The following MAGI2 variants were observed in gnomAD, a reference collection of about 807,000 sequenced individuals.
The protein encoded by MAGI2 is membrane-associated guanylate kinase, WW and PDZ domain-containing protein 2.
In MAGI2, 35 loss-of-function variants were observed where a neutral mutation model predicts 133.3. The observed-to-expected ratio is 0.26, with a 90% confidence interval of 0.20 to 0.35. The LOEUF is 0.35. Among genes scored for constraint, MAGI2 ranks in the 10% least tolerant of loss-of-function variants. The probability of loss-of-function intolerance (pLI) is 1.00; values close to 1 mark genes in which losing one functional copy is unlikely to be tolerated. For synonymous variants in MAGI2, 729 were observed against 710.6 expected (o/e 1.03, Z -0.41); for missense variants, 1,636 against 1,863.4 (o/e 0.88, Z 2.25).
intron 1 of MAGI2, among the ~76,000 whole-genome samples, chr7:79,100,519 T>C (rs974270975): frequency 4.0e-5 from 6 of 151,750 alleles, no homozygotes; most frequent in African/African-American, 1.2e-4. Flanking sequence ...GCCATTTCTA[T>C]TTTGTAACGT....
chr7:78,178,581 AGTGT>A (rs3840593), intron 13 of MAGI2, among the ~76,000 whole-genome samples: 56,496 of 149,458 alleles, frequency 0.38, 10,965 homozygotes, highest in Admixed American at 0.45. Context: ...CCAGTTTAGG[AGTGT>A]GTGTGTGTGT....
intron 2 of MAGI2, among the ~76,000 whole-genome samples, chr7:78,866,822 C>G (rs1382523619): frequency 6.6e-6 from 1 of 152,086 alleles, no homozygotes; most frequent in African/African-American, 2.4e-5. Context: ...CCAGAAACTC[C>G]TTTTTCACTT....
intron 21 of MAGI2, among the ~76,000 whole-genome samples, chr7:78,049,465 G>C (rs1431379508): frequency 1.3e-5 from 2 of 152,194 alleles, no homozygotes; most frequent in South Asian, 4.1e-4. Flanking sequence ...GTACTGCTCA[G>C]CCATTCCGCT....
intron 7 of MAGI2, among the ~76,000 whole-genome samples, chr7:78,357,739 A>G (rs1038758463): frequency 1.3e-5 from 2 of 152,190 alleles, no homozygotes; most frequent in Admixed American, 1.3e-4. Flanking sequence ...TTAGCACAAC[A>G]AAGAGCCTTT....
intron 1 of MAGI2, among the ~76,000 whole-genome samples, chr7:79,046,481 G>T (rs999160576): frequency 6.6e-6 from 1 of 152,190 alleles, no homozygotes; most frequent in Non-Finnish European, 1.5e-5. Flanking sequence ...CCAGTTTGGC[G>T]CTTTGTTGTG....
intron 6 of MAGI2, among the ~76,000 whole-genome samples, chr7:78,458,297 A>AG: frequency 6.8e-6 from 1 of 147,390 alleles, no homozygotes; most frequent in Admixed American, 6.8e-5. Context: ...TCGGTCTCAA[A>AG]AAAAAAAAAA....
intron 9 of MAGI2, among the ~76,000 whole-genome samples, chr7:78,257,032 A>G (rs1018019499): frequency 3.9e-5 from 6 of 152,192 alleles, no homozygotes; most frequent in African/African-American, 1.2e-4. Context: ...GAATAAGTCA[A>G]TTGCCTTTTT....
At chr7:78,237,896 C>A (rs1584510714) in intron 10 of MAGI2, among the ~76,000 whole-genome samples, 4 of 152,230 alleles carry the variant, frequency 2.6e-5, no homozygotes, top group Admixed American at 2.6e-4. Flanking sequence ...GCCAATTAGT[C>A]AATCATTTTT....
At chr7:78,167,346 T>G (rs1358460680) in intron 15 of MAGI2, among the ~76,000 whole-genome samples, 1 of 152,244 alleles carries the variant, frequency 6.6e-6, no homozygotes, top group Non-Finnish European at 1.5e-5. Context: ...GATTCCTTTA[T>G]GAAGCTGAGA....
Position 78,979,685 on chromosome 7 carries a change from CTTTGGGCTCATCTGACCAGT to C in MAGI2, c.418+27385_418+27404del, listed in dbSNP as rs566089739. ...GTGGTCTTGCATGGTGTGCAGTGTC[CTTTGGGCTCATCTGACCAGT>C]GTTGGGTCTTGTGTGTTTGGCCATC... On this transcript the variant is annotated intron_variant, in intron 2 of 21. Transcript: ENST00000354212. 1.9e-3 allele frequency among the ~76,000 whole-genome samples: 290 copies of C among 151,864 alleles called. 1 individual carries two copies. Among genetic ancestry groups the C allele is most frequent in the African/African-American group, 6.6e-3 (273 of 41,482 alleles).
At chr7:79,147,049 C>T (rs1215792031) in intron 1 of MAGI2, among the ~76,000 whole-genome samples, 2 of 152,198 alleles carry the variant, frequency 1.3e-5, no homozygotes, top group African/African-American at 4.8e-5. Context: ...TATCTCAGGT[C>T]TAACAGTTAC....
At chr7:78,337,098 A>G (rs1789852175) in intron 9 of MAGI2, among the ~76,000 whole-genome samples, 1 of 152,202 alleles carries the variant, frequency 6.6e-6, no homozygotes, top group Admixed American at 6.5e-5. Flanking sequence ...ATAAATAACT[A>G]TCTATCAGAC....
In MAGI2 at chr7:79,299,346, G is replaced by A. The variant is rs537878986; in HGVS notation, c.301+153674C>T. On this transcript the variant is annotated intron_variant, in intron 1 of 21. Coordinates refer to ENST00000354212, the MANE Select transcript of MAGI2 (RefSeq NM_012301.4). Reference sequence around the variant, plus strand: ...GGCAGGGGGTGACATAGAGTGTTGTGAAAATCTTGAGTTCTGAGTTGTTTA... The same window carrying A: ...GGCAGGGGGTGACATAGAGTGTTGTAAAAATCTTGAGTTCTGAGTTGTTTA... 4.1e-4 allele frequency among the ~76,000 whole-genome samples: 62 copies of A among 152,062 alleles called. 3 individuals are homozygous for A. The South Asian group carries it at 0.012, about 30-fold the overall frequency.
At chr7:78,427,567 A>C (rs1290438835) in intron 6 of MAGI2, among the ~76,000 whole-genome samples, 1 of 152,008 alleles carries the variant, frequency 6.6e-6, no homozygotes, top group African/African-American at 2.4e-5. Flanking sequence ...TGCATGACCC[A>C]AAATGAACAG....
intron 20 of MAGI2, among the ~76,000 whole-genome samples, chr7:78,085,550 C>CACACACACACACACACA (rs1554441619): frequency 3.5e-4 from 42 of 121,042 alleles, no homozygotes; most frequent in African/African-American, 1.4e-3. Flanking sequence ...AATAAAACTC[C>CACACACACACACACACA]CACACACACA....
intron 2 of MAGI2, among the ~76,000 whole-genome samples, chr7:78,953,956 T>C (rs557379917): frequency 3.3e-5 from 5 of 152,300 alleles, no homozygotes; most frequent in African/African-American, 9.6e-5. Flanking sequence ...TGAGGGGCTA[T>C]GCTAGATCTA....
intron 2 of MAGI2, among the ~76,000 whole-genome samples, chr7:78,801,628 C>T (rs983808687): frequency 3.9e-5 from 6 of 151,930 alleles, no homozygotes; most frequent in African/African-American, 1.2e-4. Context: ...TTTGGTAGTG[C>T]ACAGGGATTA....
chr7:78,671,137 T>C (rs1814333384), intron 2 of MAGI2, among the ~76,000 whole-genome samples: 1 of 152,158 alleles, frequency 6.6e-6, no homozygotes, highest in African/African-American at 2.4e-5. Flanking sequence ...ACTTACTTAA[T>C]TTGCTTTCTG....
At chr7:79,393,457 T>C (rs1173589193) in intron 1 of MAGI2, among the ~76,000 whole-genome samples, 2 of 152,176 alleles carry the variant, frequency 1.3e-5, no homozygotes, top group Non-Finnish European at 2.9e-5. Flanking sequence ...AACATTTTAT[T>C]TATCCTTTGA....
Sources: gnomAD v4.1 joint callset for allele counts (sites outside exome capture counted in the v4.1 genomes callset) on GRCh38, gnomAD v4.1.1 for gene constraint, MANE v1.5 for transcripts, NCBI Gene and HGNC (gene_info 2026-07-23, HGNC 2026-07-21) for gene names.